Variants in UQCC1 observed in about 807,000 individuals in gnomAD.
UQCC1 encodes the protein bFGF-repressed Zic-binding protein.
UQCC1 carries 38 observed loss-of-function variants against 48.0 expected under a neutral mutation model. The observed-to-expected ratio is 0.79, with a 90% CI of 0.61 to 1.04. The LOEUF is 1.04. Among genes scored for constraint, UQCC1 ranks in the 50% least tolerant of loss-of-function variants. UQCC1 has a pLI of 0.00. For synonymous variants in UQCC1, 111 were observed against 129.2 expected (o/e 0.86, Z 0.95); for missense variants, 368 against 381.8 (o/e 0.96, Z 0.30).
At chr20:35,310,693 A>T (rs1380853256) in intron 8 of UQCC1, among the ~76,000 whole-genome samples, 2 of 100,694 alleles carry the variant, frequency 2.0e-5, no homozygotes, top group African/African-American at 8.1e-5. Flanking sequence ...AAAGCTGCAG[A>T]TTTTTTTTTT....
intron 7 of UQCC1, among the ~76,000 whole-genome samples, chr20:35,342,439 G>A (rs766727634): frequency 6.6e-6 from 1 of 152,212 alleles, no homozygotes; most frequent in African/African-American, 2.4e-5. Flanking sequence ...TAAGTAAAGC[G>A]CCCTGGTTAG....
chr20:35,309,619 C>T (rs2060968471), intron 8 of UQCC1, among the ~76,000 whole-genome samples: 1 of 152,156 alleles, frequency 6.6e-6, no homozygotes, highest in African/African-American at 2.4e-5. Context: ...CATAATTTCC[C>T]CCCAATCTAA....
Position 35,349,020 on chromosome 20 carries a change from A to G in UQCC1, c.465-1748T>C, listed in dbSNP as rs145459203. On this transcript the variant is annotated intron_variant, in intron 6 of 9. Coordinates refer to ENST00000374385, the MANE Select transcript of UQCC1 (RefSeq NM_018244.5). ...GCAGCTACAATAGGATTACTCACCTAAAAGACAATTCCTGTTATAATTATG... is the reference window on the plus strand; with the variant it reads ...GCAGCTACAATAGGATTACTCACCTGAAAGACAATTCCTGTTATAATTATG... 1.1e-3 allele frequency among the ~76,000 whole-genome samples: 170 copies of G among 152,326 alleles called. 1 individual carries two copies. Among genetic ancestry groups the G allele is most frequent in the African/African-American group, 3.9e-3 (162 of 41,586 alleles).
At chr20:35,395,884 G>C (rs562260245) in intron 1 of UQCC1, among the ~76,000 whole-genome samples, 8 of 152,002 alleles carry the variant, frequency 5.3e-5, no homozygotes, top group African/African-American at 1.9e-4. Context: ...GGTGACTCAA[G>C]CAGTGGGCAC....
At chr20:35,314,132 G>C (rs865859936) in intron 8 of UQCC1, among the ~76,000 whole-genome samples, 1 of 151,396 alleles carries the variant, frequency 6.6e-6, no homozygotes, top group Non-Finnish European at 1.5e-5. Flanking sequence ...ACCCGGCTAA[G>C]TTTTGCATTT....
chr20:35,324,533 A>G lies in UQCC1; in HGVS notation c.574-9768T>C, dbSNP rs182714974. Among the ~76,000 whole-genome samples, 413 of 152,234 alleles carry G rather than the reference A, an allele frequency of 2.7e-3. 12 individuals are homozygous for G. In the South Asian group the frequency reaches 0.054, roughly 20 times the overall value. On this transcript the variant is annotated intron_variant, in intron 7 of 9. Transcript: ENST00000374385. ...AGTAGAGACGGGGTTTCACCGTGTTAGCCAGGATGGTCTCGATCTCCTGAC... is the reference window on the plus strand; with the variant it reads ...AGTAGAGACGGGGTTTCACCGTGTTGGCCAGGATGGTCTCGATCTCCTGAC...
intron 4 of UQCC1, among the ~76,000 whole-genome samples, chr20:35,381,346 C>A (rs201066626): frequency 2.0e-5 from 3 of 152,220 alleles, no homozygotes; most frequent in East Asian, 3.9e-4. Flanking sequence ...GAACATTTGG[C>A]CCATCTGACC....
At chr20:35,392,223 GTGAGACATGTACC>G in intron 2 of UQCC1, 1 of 1,303,618 alleles carries the variant, frequency 7.7e-7, no homozygotes, top group Non-Finnish European at 1.0e-6. Context: ...CTTCCTCCCT[GTGAGACATGTACC>G]TGAGGATGCC....
intron 6 of UQCC1, among the ~76,000 whole-genome samples, chr20:35,359,706 G>C (rs554478961): frequency 1.3e-5 from 2 of 152,334 alleles, no homozygotes; most frequent in Non-Finnish European, 2.9e-5. Context: ...TGGCTGCTAT[G>C]AAGGAATCCC....
intron 5 of UQCC1, among the ~76,000 whole-genome samples, chr20:35,372,273 C>T (rs1345190912): frequency 6.7e-6 from 1 of 149,728 alleles, no homozygotes; most frequent in Non-Finnish European, 1.5e-5. Flanking sequence ...CACACCACTG[C>T]AGTCCAGCCT....
At chr20:35,381,822 A>G (rs931988903) in intron 4 of UQCC1, 96 bp downstream of exon 4, 1 of 760,510 alleles carries the variant, frequency 1.3e-6, no homozygotes, top group Non-Finnish European at 2.2e-6. Flanking sequence ...TAATGTATGA[A>G]TTCCATGAAA....
intron 7 of UQCC1, among the ~76,000 whole-genome samples, chr20:35,340,424 T>C (rs2061364444): frequency 1.3e-5 from 2 of 152,220 alleles, no homozygotes; most frequent in Admixed American, 1.3e-4. Context: ...TTTTAGAAAC[T>C]TTCAAAAGAA....
chr20:35,377,363 G>T (rs1347646267), intron 4 of UQCC1, among the ~76,000 whole-genome samples: 1 of 152,168 alleles, frequency 6.6e-6, no homozygotes, highest in Non-Finnish European at 1.5e-5. Context: ...TCTGACCACA[G>T]AACACATCTT....
chr20:35,358,416 CA>C (rs1459318701), intron 6 of UQCC1, among the ~76,000 whole-genome samples: 1 of 61,500 alleles, frequency 1.6e-5, no homozygotes, highest in Non-Finnish European at 3.0e-5. Flanking sequence ...ATCCAGGAAA[CA>C]AAAAAAATGC....
intron 8 of UQCC1, among the ~76,000 whole-genome samples, chr20:35,308,652 C>T (rs1156897001): frequency 6.6e-6 from 1 of 152,240 alleles, no homozygotes; most frequent in East Asian, 1.9e-4. Context: ...TTCCCTCACA[C>T]GCCTAGCTCC....
At chr20:35,344,117 C>G (rs1169964658) in intron 7 of UQCC1, 1 of 152,144 alleles carries the variant, frequency 6.6e-6, no homozygotes, top group African/African-American at 2.4e-5. Context: ...GGCTGGTATT[C>G]AATATATTCA....
intron 7 of UQCC1, among the ~76,000 whole-genome samples, chr20:35,331,286 T>C (rs1315487455): frequency 1.3e-5 from 2 of 152,048 alleles, no homozygotes; most frequent in Non-Finnish European, 2.9e-5. Context: ...TTACACCTTT[T>C]ATTATTCTGA....
At chr20:35,323,306 TAAA>T (rs765610118) in intron 7 of UQCC1, among the ~76,000 whole-genome samples, 9 of 152,124 alleles carry the variant, frequency 5.9e-5, no homozygotes, top group Non-Finnish European at 1.2e-4. Context: ...AAACTGTCCT[TAAA>T]AAGAAGATGA....
intron 2 of UQCC1, among the ~76,000 whole-genome samples, chr20:35,389,247 G>A (rs2061984467): frequency 6.6e-6 from 1 of 152,060 alleles, no homozygotes; most frequent in South Asian, 2.1e-4. Flanking sequence ...AGCCCAAGCT[G>A]GGACAATCTA....
Sources: allele counts gnomAD v4.1 joint callset (sites outside exome capture counted in the v4.1 genomes callset), GRCh38; gene constraint gnomAD v4.1.1; transcripts MANE v1.5; gene names NCBI Gene and HGNC (gene_info 2026-07-23, HGNC 2026-07-21).